TOMM7: variants seen among roughly 807,000 people sequenced by gnomAD.
TOMM7 encodes the protein translocase of outer mitochondrial membrane 7.
Under a neutral mutation model 9.5 loss-of-function variants are expected in TOMM7, and 8 were observed. The ratio of observed to expected loss-of-function variants is 0.84; its 90% CI spans 0.49 to 1.51. The LOEUF is 1.51. Among genes scored for constraint, TOMM7 ranks in the 40% most tolerant of loss-of-function variants. TOMM7 has a pLI of 0.00. For missense variants in TOMM7, 74 were observed against 63.7 expected (o/e 1.16, Z -0.55); for synonymous variants, 27 against 21.4 (o/e 1.26, Z -0.72).
chr7:22,822,480 A>C (rs1782406978), intron 1 of TOMM7, 197 bp downstream of exon 1: 1 of 700,192 alleles, frequency 1.4e-6, no homozygotes, highest in Non-Finnish European at 2.4e-6. Flanking sequence ...AGACTGCTTA[A>C]AGACCATGCA....
At chr7:22,820,566 C>G (rs1041589120) in intron 1 of TOMM7, among the ~76,000 whole-genome samples, 4 of 152,128 alleles carry the variant, frequency 2.6e-5, no homozygotes, top group African/African-American at 9.7e-5. Flanking sequence ...AATAGGACCT[C>G]GTACACGCAG....
At chr7:22,814,801 G>T (rs1282770730) in intron 2 of TOMM7, among the ~76,000 whole-genome samples, 1 of 151,894 alleles carries the variant, frequency 6.6e-6, no homozygotes, top group Non-Finnish European at 1.5e-5. Context: ...CCAACAACCT[G>T]GCAAGGGAAA....
Position 22,813,726 on chromosome 7 carries a change from C to T in TOMM7, c.153-541G>A, listed in dbSNP as rs562747003. Among the ~76,000 whole-genome samples the T allele has an allele frequency of 7.3e-5, 11 of 151,322 alleles. 1 individual carries two copies. The South Asian group carries it at 2.3e-3, about 32-fold the overall frequency. On this transcript the variant is annotated intron_variant, in intron 2 of 2. Transcript: ENST00000358435. ...AAGTTCCTGGGGAGCAATTAGCCTC[C>T]ACTTCCACCTCAACTAACTCTTACC...
chr7:22,814,626 T>C (rs776540882), intron 2 of TOMM7, among the ~76,000 whole-genome samples: 8 of 152,228 alleles, frequency 5.3e-5, no homozygotes, highest in Non-Finnish European at 5.9e-5. Context: ...TTAACCTTGA[T>C]AGTCACATAT....
chr7:22,818,013 G>C lies in TOMM7; in HGVS notation c.139C>G (p.Pro47Ala), dbSNP rs779983228. 1.9e-6 allele frequency: 3 copies of C among 1,613,778 alleles called. No individual in the cohort carries two copies. Among genetic ancestry groups the C allele is most frequent in the Non-Finnish European group, 2.5e-6 (3 of 1,179,956 alleles). The part of the protein sequence containing the change: ...KRGADPGMPE[P>A]TVLSLLWG Reference sequence around the variant, plus strand: ...TAAGAGCAGTACCTCAAAACAGTTGGTTCAGGCATTCCGGGATCTGCACCC... The same window carrying C: ...TAAGAGCAGTACCTCAAAACAGTTGCTTCAGGCATTCCGGGATCTGCACCC... Residue 47 changes from proline (P) to alanine (A), a missense_variant, in exon 2 of 3, where the codon CCA (proline) becomes GCA (alanine). By Grantham distance (27) the Pro-to-Ala change is conservative. Coordinates refer to ENST00000358435, the MANE Select transcript of TOMM7 (RefSeq NM_019059.5).
chr7:22,814,052 T>C (rs952261514), intron 2 of TOMM7, among the ~76,000 whole-genome samples: 3 of 150,708 alleles, frequency 2.0e-5, no homozygotes, highest in Non-Finnish European at 4.4e-5. Context: ...AAATAAATTA[T>C]TGGCCAGGCA....
chr7:22,817,054 C>G (rs915126260), intron 2 of TOMM7, among the ~76,000 whole-genome samples: 2 of 152,152 alleles, frequency 1.3e-5, no homozygotes, highest in Non-Finnish European at 2.9e-5. Context: ...GAGGGCAACC[C>G]ACAAGAGATG....
chr7:22,817,859 T>G, intron 2 of TOMM7, 141 bp downstream of exon 2: 1 of 659,344 alleles, frequency 1.5e-6, no homozygotes, highest in Non-Finnish European at 2.6e-6. Context: ...AGAAAGTAGT[T>G]GCAGTTTTCC....
At chr7:22,816,034 T>C (rs1782312849) in intron 2 of TOMM7, among the ~76,000 whole-genome samples, 1 of 152,156 alleles carries the variant, frequency 6.6e-6, no homozygotes, top group Non-Finnish European at 1.5e-5. Context: ...TAGTTTATTC[T>C]GGGACTTAGC....
intron 1 of TOMM7, chr7:22,822,172 AATAGAAATC>A: frequency 6.4e-7 from 1 of 1,550,766 alleles, no homozygotes; most frequent in South Asian, 1.2e-5. Context: ...TGGGGGCAGT[AATAGAAATC>A]ATCCAAACCC....
At position 22,822,790 on chromosome 7, in the gene TOMM7, G is replaced by T. The variant is rs1306367260; in HGVS notation, c.-11C>A. 3 of 1,610,888 alleles carry T rather than the reference G, an allele frequency of 1.9e-6. No homozygotes were observed. Among genetic ancestry groups the T allele is most frequent in the Middle Eastern group, 1.7e-4 (1 of 6,058 alleles). On this transcript the variant is annotated 5_prime_UTR_variant, in exon 1 of 3. Coordinates refer to ENST00000358435, the MANE Select transcript of TOMM7 (RefSeq NM_019059.5). ...GCTCAGCTTCACCATGGCGACGGCC[G>T]TGTGGCGCAGGGAGGACCCCTTACA...
chr7:22,816,487 A>T (rs1409090339), intron 2 of TOMM7, among the ~76,000 whole-genome samples: 5 of 152,266 alleles, frequency 3.3e-5, no homozygotes, highest in African/African-American at 1.2e-4. Flanking sequence ...AGTAAGGGCT[A>T]AGAAAAAAGG....
chr7:22,822,817 C>G lies in TOMM7; in HGVS notation c.-38G>C. 6.5e-7 allele frequency: 1 copy of G among 1,539,808 alleles called. No individual in the cohort carries two copies. On this transcript the variant is annotated 5_prime_UTR_variant, in exon 1 of 3. Transcript: ENST00000358435. ...GTGGCGCAGGGAGGACCCCTTACAGCAACCACAGCGTCGGGAATCCGAAAG... is the reference window on the plus strand; with the variant it reads ...GTGGCGCAGGGAGGACCCCTTACAGGAACCACAGCGTCGGGAATCCGAAAG...
intron 2 of TOMM7, among the ~76,000 whole-genome samples, chr7:22,813,419 G>A (rs1418584523): frequency 6.6e-6 from 1 of 152,094 alleles, no homozygotes; most frequent in Non-Finnish European, 1.5e-5. Context: ...ACAAAAATGT[G>A]AGCAGACATA....
chr7:22,814,769 T>C (rs1218174846), intron 2 of TOMM7, among the ~76,000 whole-genome samples: 1 of 152,196 alleles, frequency 6.6e-6, no homozygotes, highest in Non-Finnish European at 1.5e-5. Flanking sequence ...CTAAGATGAA[T>C]GTGGTCCTAA....
At position 22,818,063 on chromosome 7, in the gene TOMM7, A is replaced by T. The variant is rs28617621; in HGVS notation, c.104-15T>A. ...CCTCTTAAATCCTGAATCAAGGAAG[A>T]CAGAAGAGAAAAAATATTAATTAAA... On this transcript the variant is annotated splice_polypyrimidine_tract_variant and intron_variant, in intron 1 of 2. Transcript: ENST00000358435. 6.2e-7 allele frequency: 1 copy of T among 1,612,302 alleles called. No homozygotes were observed. Among genetic ancestry groups the T allele is most frequent in the South Asian group, 1.1e-5 (1 of 91,024 alleles).
Position 22,822,841 on chromosome 7 carries a change from A to T in TOMM7, c.-62T>A. ...GCAACCACAGCGTCGGGAATCCGAA[A>T]GGGAAAGGAGGTGCGCAGGCGCCAC... On this transcript the variant is annotated 5_prime_UTR_variant, in exon 1 of 3. Transcript: ENST00000358435. The T allele has an allele frequency of 7.2e-7, 1 of 1,385,208 alleles. No homozygotes were observed. The highest frequency in any genetic ancestry group is 1.0e-6 in the Non-Finnish European group (1 of 973,442). The allele number at this position is 1,385,208 out of a possible 1,614,324, so 85.8% of individuals were successfully genotyped here.
chr7:22,822,466 T>G, intron 1 of TOMM7: 1 of 707,310 alleles, frequency 1.4e-6, no homozygotes, highest in South Asian at 1.9e-5. Flanking sequence ...AAGGAGGGAT[T>G]GCAAGACTGC....
At chr7:22,818,310 C>T (rs147833686) in intron 1 of TOMM7, 68 of 335,120 alleles carry the variant, frequency 2.0e-4, no homozygotes, top group African/African-American at 1.4e-3. Flanking sequence ...ACTCTGTCAC[C>T]CAGGCTGGAG....
Sources: gnomAD v4.1 joint callset for allele counts (sites outside exome capture counted in the v4.1 genomes callset) on GRCh38, gnomAD v4.1.1 for gene constraint, MANE v1.5 for transcripts, NCBI Gene and HGNC (gene_info 2026-07-23, HGNC 2026-07-21) for gene names.